SFMBT1: variants seen among roughly 807,000 people sequenced by gnomAD.
SFMBT1 encodes the protein scm-like with four MBT domains protein 1.
Under a neutral mutation model 108.7 loss-of-function variants are expected in SFMBT1, and 32 were observed. The observed-to-expected ratio is 0.29, with a 90% CI of 0.22 to 0.40. The LOEUF (loss-of-function observed/expected upper bound fraction) is 0.40. SFMBT1 is among the 10% of genes least tolerant of loss of function. The pLI, the probability that SFMBT1 is intolerant of heterozygous loss-of-function variation, is 1.00. For missense variants in SFMBT1, 816 were observed against 1,059.6 expected (o/e 0.77, Z 3.19); for synonymous variants, 348 against 369.5 (o/e 0.94, Z 0.67).
At chr3:52,951,098 A>T (rs893040835) in intron 3 of SFMBT1, among the ~76,000 whole-genome samples, 1 of 137,318 alleles carries the variant, frequency 7.3e-6, no homozygotes, top group Non-Finnish European at 1.5e-5. Flanking sequence ...TCTGGGCAAC[A>T]GAGCAAGACT....
chr3:52,950,886 G>T (rs1703557411), intron 3 of SFMBT1, among the ~76,000 whole-genome samples: 1 of 152,012 alleles, frequency 6.6e-6, no homozygotes. Flanking sequence ...GGCCAAGGCA[G>T]GAGGTTCCCT....
At chr3:53,017,397 G>C (rs1395510291) in intron 1 of SFMBT1, among the ~76,000 whole-genome samples, 2 of 152,102 alleles carry the variant, frequency 1.3e-5, no homozygotes, top group African/African-American at 4.8e-5. Flanking sequence ...TCACTCAACA[G>C]GTATTTCTTG....
chr3:52,989,422 CA>C lies in SFMBT1; in HGVS notation c.-130-20165del, dbSNP rs762327335. On this transcript the variant is annotated intron_variant, in intron 1 of 20. Coordinates refer to ENST00000394752, the MANE Select transcript of SFMBT1 (RefSeq NM_016329.4). ...ACTGCACTCCAGCCTGACTCCATCT[CA>C]AAAAAAAAAAAAAAAGAAAGAAAGA... Among the ~76,000 whole-genome samples the C allele has an allele frequency of 7.1e-4, 58 of 81,698 alleles. 1 individual carries two copies. Among genetic ancestry groups the C allele is most frequent in the East Asian group, 1.3e-3 (4 of 3,086 alleles). 53.6% of individuals were successfully genotyped at this position (81,698 alleles called of 152,430 possible). A position where few individuals can be genotyped will look rare whatever the true frequency, so the allele number is the denominator to read the frequency against.
chr3:53,032,414 G>C (rs901634928), intron 1 of SFMBT1, among the ~76,000 whole-genome samples: 4 of 152,128 alleles, frequency 2.6e-5, no homozygotes, highest in Non-Finnish European at 4.4e-5. Flanking sequence ...GGGATGGACA[G>C]AAGACCCATA....
Position 52,911,073 on chromosome 3 carries a change from G to A in SFMBT1, c.1836C>T (p.Asn612=), listed in dbSNP as rs1394526575. 2.5e-6 allele frequency: 4 copies of A among 1,614,056 alleles called. No individual in the cohort carries two copies. The highest frequency in any genetic ancestry group is 3.4e-6 in the Non-Finnish European group (4 of 1,180,042). ...CCAGAACCATCCGTGGACCGAAGAG[G>A]TTAGGACAGCATTCCAGTTTGATAC... ...QTCIKLECCP[N]LFGPRMVLDK... is the part of the protein sequence containing the mutation. Residue 612 remains asparagine, a synonymous_variant, in exon 17 of 21, where the codon AAC becomes AAT. Transcript: ENST00000394752.
At chr3:53,001,927 A>ACT (rs1224410714) in intron 1 of SFMBT1, among the ~76,000 whole-genome samples, 1 of 49,920 alleles carries the variant, frequency 2.0e-5, no homozygotes, top group Non-Finnish European at 3.9e-5. Flanking sequence ...CCAGTCTCTC[A>ACT]CACACACACA....
intron 12 of SFMBT1, among the ~76,000 whole-genome samples, 165 bp downstream of exon 12, chr3:52,920,372 C>T (rs73839707): frequency 0.013 from 1,951 of 152,290 alleles, 47 homozygotes; most frequent in African/African-American, 0.045. Context: ...CCCACAGAAA[C>T]TGTAAGGTAT....
intron 1 of SFMBT1, among the ~76,000 whole-genome samples, chr3:53,025,041 T>C (rs1699441363): frequency 6.6e-6 from 1 of 152,178 alleles, no homozygotes; most frequent in African/African-American, 2.4e-5. Flanking sequence ...TATAAAACTT[T>C]TAATATTTTT....
Position 52,916,212 on chromosome 3 carries a change from A to G in SFMBT1, c.1418T>C (p.Val473Ala), listed in dbSNP as rs1386382119. 6.2e-7 allele frequency: 1 copy of G among 1,613,688 alleles called. No homozygotes were observed. The highest frequency in any genetic ancestry group is 8.5e-7 in the Non-Finnish European group (1 of 1,179,786). Residue 473 changes from valine (V) to alanine (A), a missense_variant and splice_region_variant, in exon 14 of 21, where the codon GTA becomes GCA. Physicochemically the swap from Val to Ala is moderately conservative, Grantham distance 64 (BLOSUM62 0). Around this residue, in one of 5 missense-constraint regions of SFMBT1, gnomAD observed 495 missense variants for 607.4 expected, o/e 0.81. Coordinates refer to ENST00000394752, the MANE Select transcript of SFMBT1 (RefSeq NM_016329.4). The part of the protein sequence containing the change: ...KIAVVQPEKQ[V>A]PSSRTVHEGL... Reference sequence around the variant, plus strand: ...CTCGTGGACAGTCCTCGAGGATGGTACTCTGGGTCAAGAAAACACAGTAAA... The same window carrying G: ...CTCGTGGACAGTCCTCGAGGATGGTGCTCTGGGTCAAGAAAACACAGTAAA...
intron 1 of SFMBT1, among the ~76,000 whole-genome samples, chr3:53,019,395 T>TA: frequency 7.1e-6 from 1 of 140,938 alleles, no homozygotes; most frequent in South Asian, 2.6e-4. Context: ...GTGGGGGGGG[T>TA]ATATGTGTGA....
intron 1 of SFMBT1, among the ~76,000 whole-genome samples, chr3:53,034,775 T>C (rs1699812297): frequency 6.6e-6 from 1 of 151,392 alleles, no homozygotes; most frequent in East Asian, 2.0e-4. Context: ...CCATCGCTAC[T>C]AAAAATATAA....
intron 1 of SFMBT1, among the ~76,000 whole-genome samples, chr3:53,031,133 A>T (rs1323938399): frequency 6.6e-6 from 1 of 152,230 alleles, no homozygotes; most frequent in Non-Finnish European, 1.5e-5. Flanking sequence ...TACAGCCATC[A>T]TCAGCAATCC....
In SFMBT1 at chr3:53,046,031, C is replaced by CGGA. The variant is rs1700233258; in HGVS notation, c.-349_-347dup. The CGGA allele has an allele frequency of 6.6e-6, 1 of 151,070 alleles. No homozygotes were observed. Among genetic ancestry groups the CGGA allele is most frequent in the South Asian group, 2.1e-4 (1 of 4,752 alleles). The allele number at this position is 151,070 out of a possible 1,614,324, so 9.4% of individuals were successfully genotyped here. Reference sequence around the variant, plus strand: ...CCGCCCCCCTCCACCCGCGCTCCGGCGGAGGCGGCGGCGGCGCTCCGCGCT... The same window carrying CGGA: ...CCGCCCCCCTCCACCCGCGCTCCGGCGGAGGAGGCGGCGGCGGCGCTCCGCGCT... On this transcript the variant is annotated 5_prime_UTR_variant, in exon 1 of 21. Coordinates refer to ENST00000394752, the MANE Select transcript of SFMBT1 (RefSeq NM_016329.4).
chr3:53,024,248 G>C (rs766780558), intron 1 of SFMBT1, among the ~76,000 whole-genome samples: 2 of 152,082 alleles, frequency 1.3e-5, no homozygotes, highest in Non-Finnish European at 2.9e-5. Flanking sequence ...GGTGGTTAGA[G>C]CCTGTTCTAT....
chr3:52,978,742 T>C (rs1256607169), intron 1 of SFMBT1, among the ~76,000 whole-genome samples: 1 of 152,098 alleles, frequency 6.6e-6, no homozygotes, highest in East Asian at 1.9e-4. Context: ...TTAAGTAAAA[T>C]GTAATATATC....
intron 1 of SFMBT1, among the ~76,000 whole-genome samples, chr3:53,038,734 G>A (rs943476993): frequency 1.3e-5 from 2 of 152,134 alleles, no homozygotes; most frequent in Non-Finnish European, 2.9e-5. Context: ...GCATTAATTA[G>A]GTGGTATCAT....
intron 1 of SFMBT1, among the ~76,000 whole-genome samples, chr3:53,031,374 T>C (rs1482021863): frequency 1.3e-5 from 2 of 152,198 alleles, no homozygotes; most frequent in African/African-American, 2.4e-5. Context: ...TGCCCTGCAA[T>C]TGGATTTTTA....
At chr3:52,925,897 T>C in intron 10 of SFMBT1, 134 bp downstream of exon 10, 1 of 696,672 alleles carries the variant, frequency 1.4e-6, no homozygotes, top group Non-Finnish European at 2.3e-6. Context: ...TTAGACCATG[T>C]GATTACAATC....
intron 1 of SFMBT1, among the ~76,000 whole-genome samples, chr3:53,030,508 A>G (rs533539951): frequency 6.6e-6 from 1 of 152,152 alleles, no homozygotes; most frequent in African/African-American, 2.4e-5. Flanking sequence ...ATAAAGCAAC[A>G]GAAGAAAAAG....
Sources: gnomAD v4.1 joint callset for allele counts (sites outside exome capture counted in the v4.1 genomes callset) on GRCh38, gnomAD v4.1.1 for gene constraint, gnomAD v4.1.1 regional missense constraint, MANE v1.5 for transcripts, NCBI Gene and HGNC (gene_info 2026-07-23, HGNC 2026-07-21) for gene names.